The following FGFR2 variants were observed in gnomAD, a reference collection of about 807,000 sequenced individuals.
FGFR2 encodes BEK fibroblast growth factor receptor.
FGFR2 carries 19 observed loss-of-function variants against 95.9 expected under a neutral mutation model. The ratio of observed to expected loss-of-function variants is 0.20; its 90% CI spans 0.14 to 0.29. The LOEUF (loss-of-function observed/expected upper bound fraction) is 0.29. Ranked by LOEUF, FGFR2 falls within the 10% of genes least tolerant of loss-of-function variation. The pLI is 1.00. For missense variants in FGFR2, 707 were observed against 1,056.9 expected, an observed-to-expected ratio of 0.67 and a Z score of 4.59; for synonymous variants, 392 against 393.3, an observed-to-expected ratio of 1.00 and a Z score of 0.04.
At chr10:121,520,761 G>A (rs1414529434) in intron 6 of FGFR2, among the ~76,000 whole-genome samples, 1 of 152,122 alleles carries the variant, frequency 6.6e-6, no homozygotes, top group Non-Finnish European at 1.5e-5. Flanking sequence ...TCCAACCTCA[G>A]CCTCCTGAGT....
chr10:121,593,127 C>A (rs1363351180), intron 2 of FGFR2, among the ~76,000 whole-genome samples: 1 of 152,164 alleles, frequency 6.6e-6, no homozygotes, highest in Non-Finnish European at 1.5e-5. Flanking sequence ...CATTCACTTT[C>A]AAGTTTACCT....
chr10:121,524,963 C>G (rs759375908), intron 6 of FGFR2, among the ~76,000 whole-genome samples: 10 of 152,186 alleles, frequency 6.6e-5, no homozygotes, highest in Non-Finnish European at 1.2e-4. Context: ...TTCATCTCTT[C>G]TTCTATGTGA....
intron 4 of FGFR2, among the ~76,000 whole-genome samples, chr10:121,561,804 T>C (rs1471232501): frequency 6.6e-6 from 1 of 152,214 alleles, no homozygotes; most frequent in Non-Finnish European, 1.5e-5. Context: ...AATAAAGGAC[T>C]GTTATCCAAA....
intron 2 of FGFR2, among the ~76,000 whole-genome samples, chr10:121,589,667 T>C (rs1209242545): frequency 6.6e-6 from 1 of 152,220 alleles, no homozygotes; most frequent in African/African-American, 2.4e-5. Context: ...TTCTGCTCTA[T>C]AAGTAATATT....
chr10:121,537,115 C>A (rs1852951552), intron 6 of FGFR2, among the ~76,000 whole-genome samples: 1 of 152,204 alleles, frequency 6.6e-6, no homozygotes, highest in Non-Finnish European at 1.5e-5. Flanking sequence ...CATGGTAATT[C>A]TCACTAAGAA....
At chr10:121,561,109 A>G (rs1010375550) in intron 4 of FGFR2, among the ~76,000 whole-genome samples, 1 of 152,156 alleles carries the variant, frequency 6.6e-6, no homozygotes, top group Non-Finnish European at 1.5e-5. Context: ...GGCACCTACC[A>G]ATATCTATTT....
chr10:121,569,219 CTTTTCTTT>C (rs1858196401), intron 2 of FGFR2, among the ~76,000 whole-genome samples: 1 of 137,890 alleles, frequency 7.3e-6, no homozygotes, highest in African/African-American at 3.0e-5. Context: ...CTTTTCTTTT[CTTTTCTTT>C]TTTTTTTTTT....
intron 2 of FGFR2, among the ~76,000 whole-genome samples, chr10:121,575,846 C>A (rs772575381): frequency 2.1e-5 from 3 of 140,056 alleles, no homozygotes; most frequent in Non-Finnish European, 3.0e-5. Flanking sequence ...CAGAGCGAGA[C>A]TTCATCTCAA....
At chr10:121,554,730 T>C (rs571566554) in intron 4 of FGFR2, among the ~76,000 whole-genome samples, 2 of 152,208 alleles carry the variant, frequency 1.3e-5, no homozygotes, top group South Asian at 4.2e-4. Flanking sequence ...TATGTGAACC[T>C]TGAATCTGTA....
chr10:121,562,609 G>A (rs971436138), intron 4 of FGFR2, among the ~76,000 whole-genome samples: 1 of 152,026 alleles, frequency 6.6e-6, no homozygotes, highest in Non-Finnish European at 1.5e-5. Context: ...GTAGGTAAAC[G>A]GGTAAATAAA....
At position 121,518,273 on chromosome 10, in the gene FGFR2, C is replaced by T. The variant is rs1849965990; in HGVS notation, c.940-810G>A. ...GCTTTGTTGAACAAATTGCATCTTG[C>T]CAATATTTCCCTAAAAACTTGAAGT... On this transcript the variant is annotated intron_variant, in intron 7 of 17. Coordinates refer to ENST00000358487, the MANE Select transcript of FGFR2 (RefSeq NM_000141.5). The surrounding 1 kb of genome is among the most constrained non-coding windows in gnomAD (Gnocchi z 4.0). Among the ~76,000 whole-genome samples the T allele has an allele frequency of 6.6e-6, 1 of 152,120 alleles. No individual in the cohort carries two copies. The highest frequency in any genetic ancestry group is 6.6e-5 in the Admixed American group (1 of 15,254).
chr10:121,597,375 G>A (rs993738063), intron 1 of FGFR2, among the ~76,000 whole-genome samples: 2 of 152,192 alleles, frequency 1.3e-5, no homozygotes, highest in African/African-American at 2.4e-5. Context: ...GGCGCACTGC[G>A]CTCCCTCCAG....
At chr10:121,572,693 C>T (rs556162372) in intron 2 of FGFR2, among the ~76,000 whole-genome samples, 1 of 152,282 alleles carries the variant, frequency 6.6e-6, no homozygotes, top group East Asian at 1.9e-4. Flanking sequence ...TGAGTAATTC[C>T]TGCCTTGACC....
chr10:121,512,490 C>T (rs1376454499), intron 9 of FGFR2, among the ~76,000 whole-genome samples: 1 of 152,158 alleles, frequency 6.6e-6, no homozygotes, highest in African/African-American at 2.4e-5. Context: ...TTCTGTTATA[C>T]TCCTCGGCCC....
chr10:121,514,986 A>T (rs1564908953), intron 9 of FGFR2, 131 bp downstream of exon 9: 1 of 863,856 alleles, frequency 1.2e-6, no homozygotes, highest in Non-Finnish European at 1.9e-6. Context: ...GGTGACCGCC[A>T]AGCATCACAC....
chr10:121,553,500 A>C (rs3135736), intron 4 of FGFR2, among the ~76,000 whole-genome samples: 13,836 of 152,208 alleles, frequency 0.091, 1,643 homozygotes, highest in African/African-American at 0.27. Context: ...ATCCACAGCC[A>C]CAGCCACTAA....
chr10:121,532,614 C>T (rs1210186694), intron 6 of FGFR2, among the ~76,000 whole-genome samples: 1 of 152,156 alleles, frequency 6.6e-6, no homozygotes, highest in African/African-American at 2.4e-5. Context: ...TGCCTCCGTC[C>T]CCTGGCCCCA....
intron 2 of FGFR2, among the ~76,000 whole-genome samples, chr10:121,570,165 C>G (rs1858408205): frequency 6.6e-6 from 1 of 152,256 alleles, no homozygotes; most frequent in East Asian, 1.9e-4. Context: ...TAACAGCTGG[C>G]TCAGTGGAAG....
intron 5 of FGFR2, among the ~76,000 whole-genome samples, chr10:121,539,697 C>T (rs1046413776): frequency 3.3e-5 from 5 of 152,228 alleles, no homozygotes; most frequent in Admixed American, 2.0e-4. Flanking sequence ...CAGTCAAGGC[C>T]TACTAACCTT....
Sources: allele counts gnomAD v4.1 joint callset (sites outside exome capture counted in the v4.1 genomes callset), GRCh38; gene constraint gnomAD v4.1.1; non-coding constraint Gnocchi (gnomAD v3.1); transcripts MANE v1.5; gene names NCBI Gene and HGNC (gene_info 2026-07-23, HGNC 2026-07-21).